The following SCLT1 variants were observed in gnomAD, a reference collection of about 807,000 sequenced individuals.
The protein encoded by SCLT1 is sodium channel-associated protein 1.
A neutral mutation model predicts 112.8 loss-of-function variants in SCLT1; 78 were observed. The observed-to-expected ratio is 0.69, with a 90% CI of 0.58 to 0.83. The LOEUF is 0.83. Among genes scored for constraint, SCLT1 ranks in the 40% least tolerant of loss-of-function variants. SCLT1 has a pLI of 0.00. For missense variants in SCLT1, 747 were observed against 770.4 expected (o/e 0.97, Z 0.36); for synonymous variants, 257 against 254.7 (o/e 1.01, Z -0.09).
chr4:128,948,365 GAAAAGA>G, intron 15 of SCLT1, 125 bp downstream of exon 15: 2 of 317,000 alleles, frequency 6.3e-6, no homozygotes, highest in Non-Finnish European at 1.0e-5. Flanking sequence ...AAAAAGAAAA[GAAAAGA>G]AAAACTTACC....
intron 11 of SCLT1, among the ~76,000 whole-genome samples, chr4:128,960,223 A>C (rs1042081367): frequency 6.6e-5 from 10 of 152,136 alleles, no homozygotes; most frequent in African/African-American, 1.7e-4. Context: ...TTACTAATGT[A>C]TATCTTAAAA....
chr4:129,083,793 T>C (rs924307983), intron 1 of SCLT1, among the ~76,000 whole-genome samples: 2 of 152,206 alleles, frequency 1.3e-5, no homozygotes, highest in African/African-American at 4.8e-5. Flanking sequence ...TTTAATTGCA[T>C]ATACTAGAGA....
In SCLT1 at chr4:129,018,143, C is replaced by A. The variant is rs1039078174; in HGVS notation, c.291-14267G>T. 5.3e-5 allele frequency among the ~76,000 whole-genome samples: 8 copies of A among 152,210 alleles called. No homozygotes were observed. In the East Asian group the frequency reaches 9.6e-4, roughly 18 times the overall value. On this transcript the variant is annotated intron_variant, in intron 5 of 20. Transcript: ENST00000281142. ...CATACTACGCTTCTTAGATTCTTAG[C>A]CACAAAATAGATGCCTCAGGCACTG... is the stretch of plus-strand genomic sequence containing the variant.
At chr4:129,084,027 C>T (rs1752184505) in intron 1 of SCLT1, among the ~76,000 whole-genome samples, 1 of 152,096 alleles carries the variant, frequency 6.6e-6, no homozygotes, top group African/African-American at 2.4e-5. Flanking sequence ...CAAAGTAAGA[C>T]TAGAAGGGAA....
intron 18 of SCLT1, among the ~76,000 whole-genome samples, chr4:128,892,890 T>C (rs1011277920): frequency 6.6e-6 from 1 of 152,036 alleles, no homozygotes; most frequent in Non-Finnish European, 1.5e-5. Flanking sequence ...AATGACAAAA[T>C]AGAATAAATT....
intron 18 of SCLT1, among the ~76,000 whole-genome samples, chr4:128,935,293 T>C (rs1737093296): frequency 6.6e-6 from 1 of 152,006 alleles, no homozygotes; most frequent in Non-Finnish European, 1.5e-5. Flanking sequence ...TCATTTTAAA[T>C]ATATGTCATT....
At chr4:128,965,935 G>C (rs1374176506) in intron 10 of SCLT1, among the ~76,000 whole-genome samples, 1 of 150,280 alleles carries the variant, frequency 6.7e-6, no homozygotes, top group African/African-American at 2.4e-5. Flanking sequence ...AGGTTCAAGT[G>C]ATTCTCCTGG....
At chr4:128,877,980 A>G (rs1732559965) in intron 3 of SCLT1, among the ~76,000 whole-genome samples, 1 of 152,194 alleles carries the variant, frequency 6.6e-6, no homozygotes, top group South Asian at 2.1e-4. Flanking sequence ...GTAATCAAAG[A>G]AAACAACACT....
At chr4:128,894,318 A>G (rs572865307) in intron 18 of SCLT1, among the ~76,000 whole-genome samples, 7 of 151,362 alleles carry the variant, frequency 4.6e-5, no homozygotes, top group African/African-American at 1.5e-4. Flanking sequence ...CCACTGCCCT[A>G]TACTGCAACA....
At chr4:129,035,620 A>G (rs1747113867) in intron 5 of SCLT1, among the ~76,000 whole-genome samples, 1 of 152,142 alleles carries the variant, frequency 6.6e-6, no homozygotes, top group Non-Finnish European at 1.5e-5. Flanking sequence ...TGACAACAAT[A>G]AAATTTACTT....
At chr4:128,995,701 G>T (rs1040008929) in intron 8 of SCLT1, among the ~76,000 whole-genome samples, 2 of 152,038 alleles carry the variant, frequency 1.3e-5, no homozygotes, top group African/African-American at 4.8e-5. Context: ...GAGCTGGGGG[G>T]TAGGGAACTA....
At chr4:129,066,976 T>C (rs758265281) in intron 2 of SCLT1, among the ~76,000 whole-genome samples, 3 of 152,222 alleles carry the variant, frequency 2.0e-5, no homozygotes, top group Non-Finnish European at 2.9e-5. Flanking sequence ...TCTGCGATAT[T>C]TAATTTCTTA....
In SCLT1 at chr4:129,023,747, C is replaced by T. The variant is rs200909904; in HGVS notation, c.290+15294G>A. Among the ~76,000 whole-genome samples the T allele has an allele frequency of 1.9e-4, 29 of 152,256 alleles. 1 individual carries two copies. In the East Asian group the frequency reaches 4.3e-3, roughly 22 times the overall value. On this transcript the variant is annotated intron_variant, in intron 5 of 20. Transcript: ENST00000281142. ...AAGCAGGGCGAGGCATTGCCTCACT[C>T]GGGAAGCGCAAGGGGTCAGGGAGTT...
chr4:129,002,105 C>A (rs527509603), intron 6 of SCLT1, among the ~76,000 whole-genome samples: 5 of 151,756 alleles, frequency 3.3e-5, no homozygotes, highest in African/African-American at 1.2e-4. Flanking sequence ...AATTTTAAAA[C>A]CAAATTTTCA....
intron 18 of SCLT1, among the ~76,000 whole-genome samples, chr4:128,908,272 T>G (rs1294287083): frequency 6.6e-6 from 1 of 152,072 alleles, no homozygotes; most frequent in Non-Finnish European, 1.5e-5. Context: ...GTGCCAGATG[T>G]TTTTTTCTTT....
chr4:128,922,309 C>T (rs1363658131), intron 18 of SCLT1, among the ~76,000 whole-genome samples: 1 of 152,006 alleles, frequency 6.6e-6, no homozygotes, highest in Non-Finnish European at 1.5e-5. Flanking sequence ...GTATATGCCC[C>T]AAGGAATATA....
chr4:128,993,852 C>A (rs1742784073), intron 8 of SCLT1, among the ~76,000 whole-genome samples: 1 of 151,772 alleles, frequency 6.6e-6, no homozygotes, highest in Non-Finnish European at 1.5e-5. Context: ...TAGAGATGAG[C>A]AAATCTTAAA....
intron 9 of SCLT1, among the ~76,000 whole-genome samples, chr4:128,986,379 A>T (rs1367869837): frequency 6.6e-6 from 1 of 152,154 alleles, no homozygotes; most frequent in African/African-American, 2.4e-5. Flanking sequence ...CTGGGCCTGG[A>T]ATAAATTTAA....
At chr4:128,922,696 C>A (rs1036531088) in intron 18 of SCLT1, among the ~76,000 whole-genome samples, 1 of 152,114 alleles carries the variant, frequency 6.6e-6, no homozygotes, top group Non-Finnish European at 1.5e-5. Flanking sequence ...AAGTACTATG[C>A]TTATTGTCTG....
Sources: allele counts gnomAD v4.1 joint callset (sites outside exome capture counted in the v4.1 genomes callset), GRCh38; gene constraint gnomAD v4.1.1; transcripts MANE v1.5; gene names NCBI Gene and HGNC (gene_info 2026-07-23, HGNC 2026-07-21).